Variants in GALNTL6 observed in about 807,000 individuals in gnomAD.
GALNTL6 encodes polypeptide N-acetylgalactosaminyltransferase-like 6.
GALNTL6 carries 46 observed loss-of-function variants against 73.7 expected under a neutral mutation model. The ratio of observed to expected loss-of-function variants is 0.62; its 90% CI spans 0.49 to 0.80. GALNTL6 has a LOEUF of 0.80. Ranked by LOEUF, GALNTL6 falls within the 30% of genes least tolerant of loss-of-function variation. The probability of loss-of-function intolerance (pLI) is 0.00; values close to 1 mark genes in which losing one functional copy is unlikely to be tolerated. For missense variants in GALNTL6, 604 were observed against 755.0 expected (o/e 0.80, Z 2.34); for synonymous variants, 259 against 263.7 (o/e 0.98, Z 0.17).
intron 2 of GALNTL6, among the ~76,000 whole-genome samples, chr4:172,090,717 T>A (rs1028540292): frequency 1.3e-5 from 2 of 152,208 alleles, no homozygotes; most frequent in African/African-American, 2.4e-5. Flanking sequence ...CATTTGTCAA[T>A]TTTGGCTTTT....
intron 2 of GALNTL6, among the ~76,000 whole-genome samples, chr4:171,978,512 G>T (rs879740134): frequency 6.6e-6 from 1 of 152,138 alleles, no homozygotes; most frequent in Non-Finnish European, 1.5e-5. Context: ...ATCTCCACAT[G>T]AGGGGCTAAT....
intron 5 of GALNTL6, among the ~76,000 whole-genome samples, chr4:172,360,965 C>T (rs996604237): frequency 6.6e-6 from 1 of 152,100 alleles, no homozygotes; most frequent in African/African-American, 2.4e-5. Context: ...TCAGCTTGCT[C>T]CCTAATTTGC....
chr4:172,740,853 C>T (rs4414931), intron 5 of GALNTL6, among the ~76,000 whole-genome samples: 47,538 of 151,870 alleles, frequency 0.31, 8,078 homozygotes, highest in Middle Eastern at 0.46. Context: ...GTGTGAGTTA[C>T]CGTGCTATTG....
intron 4 of GALNTL6, among the ~76,000 whole-genome samples, chr4:172,315,347 T>G (rs1382222236): frequency 6.6e-6 from 1 of 152,184 alleles, no homozygotes; most frequent in Non-Finnish European, 1.5e-5. Flanking sequence ...CACTGCAACC[T>G]CTGCCTCCCG....
chr4:171,955,665 G>A (rs1739021608), intron 2 of GALNTL6, among the ~76,000 whole-genome samples: 1 of 152,012 alleles, frequency 6.6e-6, no homozygotes, highest in East Asian at 1.9e-4. Context: ...GTTGGTACAT[G>A]TTTAGTACAG....
At chr4:172,341,608 T>C (rs1361572908) in intron 4 of GALNTL6, among the ~76,000 whole-genome samples, 1 of 152,098 alleles carries the variant, frequency 6.6e-6, no homozygotes, top group Non-Finnish European at 1.5e-5. Flanking sequence ...GGGTGGGTCT[T>C]TCTTGTGCTG....
At chr4:172,107,919 C>T (rs546256234) in intron 2 of GALNTL6, among the ~76,000 whole-genome samples, 20 of 152,108 alleles carry the variant, frequency 1.3e-4, no homozygotes, top group African/African-American at 4.1e-4. Flanking sequence ...TACCATTTGC[C>T]TACTAAATCT....
In GALNTL6 at chr4:172,544,321, G is replaced by A. The variant is rs184077714; in HGVS notation, c.553+195632G>A. Reference sequence around the variant, plus strand: ...TCATGCCATGATTTTACTTACACAAGATTGGCTTCGTGGTTCCACATCTCT... The same window carrying A: ...TCATGCCATGATTTTACTTACACAAAATTGGCTTCGTGGTTCCACATCTCT... On this transcript the variant is annotated intron_variant, in intron 5 of 12. Coordinates refer to ENST00000506823, the MANE Select transcript of GALNTL6 (RefSeq NM_001034845.3). Among the ~76,000 whole-genome samples, 123 of 152,220 alleles carry A rather than the reference G, an allele frequency of 8.1e-4. 2 individuals carry two copies. In the South Asian group the frequency reaches 0.017, roughly 21 times the overall value.
chr4:172,817,910 G>C (rs923690271), intron 7 of GALNTL6, among the ~76,000 whole-genome samples: 2 of 152,194 alleles, frequency 1.3e-5, no homozygotes, highest in African/African-American at 4.8e-5. Flanking sequence ...TGTCCTACTT[G>C]AGATACGAGG....
At chr4:173,001,768 T>G (rs1752056044) in intron 10 of GALNTL6, among the ~76,000 whole-genome samples, 1 of 152,226 alleles carries the variant, frequency 6.6e-6, no homozygotes, top group Non-Finnish European at 1.5e-5. Flanking sequence ...GAAAAGGTTT[T>G]CAACATCATT....
intron 10 of GALNTL6, among the ~76,000 whole-genome samples, chr4:172,953,395 G>A (rs919460281): frequency 1.3e-5 from 2 of 152,182 alleles, no homozygotes; most frequent in African/African-American, 2.4e-5. Flanking sequence ...TGTTCACACC[G>A]TCCCACTTCT....
At chr4:172,390,050 A>C (rs7673187) in intron 5 of GALNTL6, among the ~76,000 whole-genome samples, 14,828 of 152,188 alleles carry the variant, frequency 0.097, 806 homozygotes, top group East Asian at 0.17. Flanking sequence ...AGTTGAATGC[A>C]AAAAAACTCA....
chr4:172,211,598 T>C (rs1324176829), intron 2 of GALNTL6, among the ~76,000 whole-genome samples: 1 of 152,218 alleles, frequency 6.6e-6, no homozygotes, highest in Non-Finnish European at 1.5e-5. Flanking sequence ...GCCATATTCC[T>C]GGGGGCCACA....
intron 2 of GALNTL6, among the ~76,000 whole-genome samples, chr4:172,167,960 C>G (rs1173967299): frequency 8.4e-6 from 1 of 119,684 alleles, no homozygotes; most frequent in African/African-American, 3.5e-5. Context: ...AGCGAGACTC[C>G]GTCTCAAAAA....
At chr4:172,853,960 C>A (rs1350207202) in intron 7 of GALNTL6, among the ~76,000 whole-genome samples, 1 of 152,056 alleles carries the variant, frequency 6.6e-6, no homozygotes. Flanking sequence ...TTCTCAGTAA[C>A]CTCCAATAAC....
intron 10 of GALNTL6, among the ~76,000 whole-genome samples, chr4:172,985,448 A>G (rs867143409): frequency 1.9e-4 from 29 of 152,024 alleles, no homozygotes; most frequent in Non-Finnish European, 4.4e-5. Flanking sequence ...TAAGTACTAC[A>G]TCTTGGTAAC....
At chr4:172,820,586 T>C (rs1223520459) in intron 7 of GALNTL6, among the ~76,000 whole-genome samples, 1 of 152,140 alleles carries the variant, frequency 6.6e-6, no homozygotes, top group Non-Finnish European at 1.5e-5. Flanking sequence ...TTCTCCACTT[T>C]CACCTCTAAG....
intron 5 of GALNTL6, among the ~76,000 whole-genome samples, chr4:172,794,880 C>T (rs1015530161): frequency 3.3e-5 from 5 of 152,172 alleles, no homozygotes; most frequent in South Asian, 2.1e-4. Flanking sequence ...TGAGTCTAAA[C>T]GAGAGCTGTT....
At chr4:172,701,335 G>A (rs1734017269) in intron 5 of GALNTL6, among the ~76,000 whole-genome samples, 1 of 152,006 alleles carries the variant, frequency 6.6e-6, no homozygotes, top group Non-Finnish European at 1.5e-5. Context: ...ATTATTGGTG[G>A]CAAACAATTG....
Sources: allele counts gnomAD v4.1 joint callset (sites outside exome capture counted in the v4.1 genomes callset), GRCh38; gene constraint gnomAD v4.1.1; transcripts MANE v1.5; gene names NCBI Gene and HGNC (gene_info 2026-07-23, HGNC 2026-07-21).